The following NOSTRIN variants were observed in gnomAD, a reference collection of about 807,000 sequenced individuals.
The protein encoded by NOSTRIN is nitric oxide synthase trafficking.
In NOSTRIN, 63 loss-of-function variants were observed where a neutral mutation model predicts 59.0. That is an observed-to-expected ratio of 1.07 (90% CI 0.87 to 1.32). The LOEUF is 1.32. NOSTRIN is among the 40% of genes most tolerant of loss of function. NOSTRIN has a pLI of 0.00. For missense variants in NOSTRIN, 512 were observed against 473.1 expected, an observed-to-expected ratio of 1.08 and a Z score of -0.76; for synonymous variants, 200 against 165.4, an observed-to-expected ratio of 1.21 and a Z score of -1.61.
intron 7 of NOSTRIN, among the ~76,000 whole-genome samples, chr2:168,839,463 C>A (rs1243738853): frequency 2.6e-5 from 4 of 152,058 alleles, no homozygotes; most frequent in Non-Finnish European, 5.9e-5. Context: ...ATTTTCTATT[C>A]CTAAAGCCTT....
intron 1 of NOSTRIN, among the ~76,000 whole-genome samples, chr2:168,805,310 C>T (rs1685790991): frequency 1.3e-5 from 2 of 152,056 alleles, no homozygotes; most frequent in South Asian, 2.1e-4. Context: ...AGTGTCAGAA[C>T]TTATTTGAAA....
chr2:168,815,664 A>G (rs1559109923), intron 2 of NOSTRIN, among the ~76,000 whole-genome samples: 1 of 152,216 alleles, frequency 6.6e-6, no homozygotes, highest in Non-Finnish European at 1.5e-5. Flanking sequence ...AATCTACTCT[A>G]CCATCATCCT....
intron 2 of NOSTRIN, among the ~76,000 whole-genome samples, chr2:168,823,934 G>C (rs554570194): frequency 6.6e-6 from 1 of 152,098 alleles, no homozygotes; most frequent in Non-Finnish European, 1.5e-5. Flanking sequence ...AATTAGCCGG[G>C]CATTGTGGTA....
intron 15 of NOSTRIN, among the ~76,000 whole-genome samples, chr2:168,863,118 G>A (rs899953280): frequency 5.3e-5 from 8 of 152,112 alleles, no homozygotes; most frequent in African/African-American, 1.9e-4. Context: ...CTTGTTTTCA[G>A]TTCTCTGTTG....
intron 10 of NOSTRIN, among the ~76,000 whole-genome samples, chr2:168,852,801 T>C (rs1210747368): frequency 6.6e-6 from 1 of 152,182 alleles, no homozygotes; most frequent in African/African-American, 2.4e-5. Flanking sequence ...GAGTCTTTTT[T>C]TTCCTACCTT....
At chr2:168,829,194 G>A (rs1687225285) in intron 5 of NOSTRIN, among the ~76,000 whole-genome samples, 1 of 152,006 alleles carries the variant, frequency 6.6e-6, no homozygotes, top group South Asian at 2.1e-4. Context: ...GGGGCACCTG[G>A]TCCTCTAATA....
chr2:168,800,901 A>C (rs1165193702), upstream of NOSTRIN, among the ~76,000 whole-genome samples: 2 of 117,998 alleles, frequency 1.7e-5, no homozygotes, highest in Non-Finnish European at 3.6e-5. Flanking sequence ...CCTGTCTCTA[A>C]ATTTCTTTTA....
At chr2:168,829,521 A>G (rs972734073) in intron 5 of NOSTRIN, among the ~76,000 whole-genome samples, 1 of 152,030 alleles carries the variant, frequency 6.6e-6, no homozygotes, top group Non-Finnish European at 1.5e-5. Context: ...AGGGATCGCT[A>G]TGTTGGTCAG....
upstream of NOSTRIN, among the ~76,000 whole-genome samples, chr2:168,797,703 T>TGTG (rs1685523263): frequency 6.6e-6 from 1 of 151,588 alleles, no homozygotes; most frequent in Non-Finnish European, 1.5e-5. Flanking sequence ...TGTTGCTTGG[T>TGTG]GTGGTGGTTC....
At chr2:168,823,209 G>A (rs1380651118) in intron 2 of NOSTRIN, among the ~76,000 whole-genome samples, 1 of 152,012 alleles carries the variant, frequency 6.6e-6, no homozygotes, top group East Asian at 1.9e-4. Context: ...GTAGAGACGG[G>A]GTTTCACTGT....
intron 7 of NOSTRIN, among the ~76,000 whole-genome samples, chr2:168,839,274 G>A (rs371679027): frequency 8.9e-4 from 136 of 152,196 alleles, no homozygotes; most frequent in Middle Eastern, 3.4e-3. Context: ...TATTCATATG[G>A]AGATCGATTT....
intron 2 of NOSTRIN, among the ~76,000 whole-genome samples, chr2:168,813,118 A>G (rs538378419): frequency 6.6e-6 from 1 of 152,224 alleles, no homozygotes; most frequent in Non-Finnish European, 1.5e-5. Context: ...TTCTGTAAGA[A>G]AATATTGTTA....
intron 1 of NOSTRIN, among the ~76,000 whole-genome samples, chr2:168,787,651 C>T (rs1199649102): frequency 2.0e-5 from 3 of 152,144 alleles, no homozygotes; most frequent in Non-Finnish European, 4.4e-5. Context: ...AGCAGGTGCC[C>T]AATAAATTCC....
chr2:168,840,011 A>G (rs907875271), intron 7 of NOSTRIN, among the ~76,000 whole-genome samples: 29 of 151,598 alleles, frequency 1.9e-4, no homozygotes, highest in African/African-American at 7.0e-4. Context: ...AGAAAATTCT[A>G]GTCCACAGCT....
chr2:168,832,746 G>C (rs772537124), intron 6 of NOSTRIN, among the ~76,000 whole-genome samples: 1 of 152,072 alleles, frequency 6.6e-6, no homozygotes, highest in Non-Finnish European at 1.5e-5. Flanking sequence ...TTTTAGTTTT[G>C]CCATGGATTT....
chr2:168,863,923 T>C (rs183224483), intron 15 of NOSTRIN, among the ~76,000 whole-genome samples: 2 of 152,102 alleles, frequency 1.3e-5, no homozygotes, highest in Non-Finnish European at 2.9e-5. Context: ...TTTTATTTTT[T>C]TTTTTGAGGC....
chr2:168,861,674 T>A (rs556998426), intron 14 of NOSTRIN, among the ~76,000 whole-genome samples: 155 of 152,312 alleles, frequency 1.0e-3, no homozygotes, highest in Non-Finnish European at 1.9e-3. Context: ...AAAACATGCA[T>A]GCAATTACTA....
At chr2:168,846,388 C>G (rs962591593) in intron 8 of NOSTRIN, among the ~76,000 whole-genome samples, 2 of 152,136 alleles carry the variant, frequency 1.3e-5, no homozygotes, top group Admixed American at 6.6e-5. Context: ...GAAGTGTTCT[C>G]TTATTCCTTT....
At chr2:168,862,138 G>T in intron 15 of NOSTRIN, 89 bp downstream of exon 15, 1 of 1,144,410 alleles carries the variant, frequency 8.7e-7, no homozygotes, top group South Asian at 1.3e-5. Flanking sequence ...GCAGCCTTAA[G>T]AGTTACTACC....
Sources: gnomAD v4.1 joint callset for allele counts (sites outside exome capture counted in the v4.1 genomes callset) on GRCh38, gnomAD v4.1.1 for gene constraint, MANE v1.5 for transcripts, NCBI Gene and HGNC (gene_info 2026-07-23, HGNC 2026-07-21) for gene names.